Variants in SNTG1 observed in about 807,000 individuals in gnomAD.
The protein encoded by SNTG1 is gamma-1-syntrophin.
In SNTG1, 39 loss-of-function variants were observed where a neutral mutation model predicts 74.7. That is an observed-to-expected ratio of 0.52 (90% CI 0.40 to 0.68). The LOEUF (loss-of-function observed/expected upper bound fraction) is 0.68. Among genes scored for constraint, SNTG1 ranks in the 30% least tolerant of loss-of-function variants. The pLI is 0.00. For missense variants in SNTG1, 685 were observed against 609.5 expected (o/e 1.12, Z -1.30); for synonymous variants, 254 against 217.1 (o/e 1.17, Z -1.49).
chr8:50,397,186 A>G (rs952758845), intron 3 of SNTG1, among the ~76,000 whole-genome samples: 3 of 152,250 alleles, frequency 2.0e-5, no homozygotes, highest in Non-Finnish European at 2.9e-5. Context: ...TACAAAATAC[A>G]TTCATACAGT....
rs558894944 is a variant in SNTG1, at chr8:49,997,453, C to T, written c.-103+85222C>T. ...CTCTGCTCCCTTAACTCAGAGGAGTCATGTACTTCCTGTATCTAAATCCTT... is the reference window on the plus strand; with the variant it reads ...CTCTGCTCCCTTAACTCAGAGGAGTTATGTACTTCCTGTATCTAAATCCTT... On this transcript the variant is annotated intron_variant, in intron 1 of 18. Transcript: ENST00000642720. Among the ~76,000 whole-genome samples the T allele has an allele frequency of 1.6e-4, 25 of 152,210 alleles. No individual in the cohort carries two copies. In the East Asian group the frequency reaches 3.3e-3, roughly 20 times the overall value.
intron 1 of SNTG1, among the ~76,000 whole-genome samples, chr8:50,008,712 C>T (rs949948962): frequency 6.6e-6 from 1 of 152,140 alleles, no homozygotes; most frequent in Admixed American, 6.6e-5. Flanking sequence ...CTTCCTACAG[C>T]TTGTCTCAGT....
intron 13 of SNTG1, among the ~76,000 whole-genome samples, chr8:50,600,366 A>G (rs2094763632): frequency 6.6e-6 from 1 of 151,828 alleles, no homozygotes; most frequent in African/African-American, 2.4e-5. Context: ...TTTAAGTAGG[A>G]TTGGTATTAG....
chr8:49,981,426 G>T (rs750083998), intron 1 of SNTG1, among the ~76,000 whole-genome samples: 4 of 65,282 alleles, frequency 6.1e-5, no homozygotes, highest in Admixed American at 1.7e-4. Flanking sequence ...TTGGAGGCAG[G>T]CTAGACTGAA....
At chr8:50,783,291 C>A in intron 18 of SNTG1, among the ~76,000 whole-genome samples, 1 of 152,180 alleles carries the variant, frequency 6.6e-6, no homozygotes, top group Admixed American at 6.5e-5. Context: ...CTGTGCCCTG[C>A]CCCCAGAGGT....
chr8:50,438,519 ATTCT>A lies in SNTG1; in HGVS notation c.163-22_163-19del. 1 of 1,608,344 alleles carries A rather than the reference ATTCT, an allele frequency of 6.2e-7. No homozygotes were observed. Among genetic ancestry groups the A allele is most frequent in the South Asian group, 1.1e-5 (1 of 90,842 alleles). ...AGTATAGTATTAGGAAACACTAACC[ATTCT>A]TAAAAATCCTGTCTTTCAGGAAAGA... On this transcript the variant is annotated intron_variant, in intron 4 of 18. Transcript: ENST00000642720.
intron 2 of SNTG1, among the ~76,000 whole-genome samples, chr8:50,196,406 A>G (rs1563725780): frequency 6.6e-6 from 1 of 152,184 alleles, no homozygotes; most frequent in African/African-American, 2.4e-5. Context: ...ATTATTAAAG[A>G]TAAATTTAGA....
chr8:50,062,990 C>T (rs1217384563), intron 1 of SNTG1, among the ~76,000 whole-genome samples: 1 of 152,152 alleles, frequency 6.6e-6, no homozygotes, highest in African/African-American at 2.4e-5. Flanking sequence ...TAGATTTAAT[C>T]CTCCTATCAA....
At chr8:50,776,756 C>A (rs1461233877) in intron 18 of SNTG1, among the ~76,000 whole-genome samples, 1 of 151,752 alleles carries the variant, frequency 6.6e-6, no homozygotes, top group African/African-American at 2.4e-5. Context: ...TTAAGCCATG[C>A]TTTTAGGATA....
At chr8:50,207,431 T>C (rs2131882326) in intron 2 of SNTG1, among the ~76,000 whole-genome samples, 1 of 152,322 alleles carries the variant, frequency 6.6e-6, no homozygotes, top group South Asian at 2.1e-4. Context: ...TCATTTTTTA[T>C]TGTGTCTATT....
chr8:50,793,387 C>T lies in SNTG1; in HGVS notation c.*558C>T, dbSNP rs1364703529. 1 of 151,902 alleles carries T rather than the reference C, an allele frequency of 6.6e-6. No individual in the cohort carries two copies. Among genetic ancestry groups the T allele is most frequent in the African/African-American group, 2.4e-5 (1 of 41,408 alleles). The allele number at this position is 151,902 out of a possible 1,614,324, so 9.4% of individuals were successfully genotyped here. ...TGTGTTCTCATCCCATGATTTGACA[C>T]TGGCATTCCAATTGTTTTTATCTTA... On this transcript the variant is annotated 3_prime_UTR_variant, in exon 19 of 19. Transcript: ENST00000642720.
intron 12 of SNTG1, among the ~76,000 whole-genome samples, chr8:50,553,910 T>C (rs2130615769): frequency 6.6e-6 from 1 of 152,268 alleles, no homozygotes; most frequent in Admixed American, 6.5e-5. Flanking sequence ...TCATCATCCA[T>C]GCCTTTGTGT....
At chr8:50,321,351 C>T (rs1036041508) in intron 2 of SNTG1, among the ~76,000 whole-genome samples, 2 of 151,960 alleles carry the variant, frequency 1.3e-5, no homozygotes, top group African/African-American at 4.8e-5. Flanking sequence ...TGTAGCAACT[C>T]CTCCTCTTTT....
Position 50,509,493 on chromosome 8 carries a change from A to T in SNTG1, c.466+6613A>T, listed in dbSNP as rs181146258. 2.9e-3 allele frequency among the ~76,000 whole-genome samples: 448 copies of T among 152,276 alleles called. 4 individuals are homozygous for T. Among genetic ancestry groups the T allele is most frequent in the African/African-American group, 0.01 (435 of 41,546 alleles). ...TTGATGGGGATGGCATTGAATCTATAAATTACCTTGGGCAGTATGGCCATT... is the reference window on the plus strand; with the variant it reads ...TTGATGGGGATGGCATTGAATCTATTAATTACCTTGGGCAGTATGGCCATT... On this transcript the variant is annotated intron_variant, in intron 9 of 18. Transcript: ENST00000642720.
intron 9 of SNTG1, among the ~76,000 whole-genome samples, chr8:50,508,372 A>G (rs2094029419): frequency 6.6e-6 from 1 of 152,212 alleles, no homozygotes; most frequent in African/African-American, 2.4e-5. Flanking sequence ...ATAGTGCCAC[A>G]ATAAACATAC....
intron 9 of SNTG1, among the ~76,000 whole-genome samples, chr8:50,525,498 A>G (rs1225231992): frequency 3.9e-5 from 6 of 152,164 alleles, no homozygotes; most frequent in Non-Finnish European, 7.4e-5. Context: ...GGACTTCTAT[A>G]AAGTGTCTAT....
chr8:50,110,647 TC>T (rs2080547295), intron 1 of SNTG1, among the ~76,000 whole-genome samples: 1 of 152,176 alleles, frequency 6.6e-6, no homozygotes, highest in Non-Finnish European at 1.5e-5. Flanking sequence ...GTCCTTTAAA[TC>T]CAGGTAAACA....
intron 8 of SNTG1, among the ~76,000 whole-genome samples, chr8:50,467,203 C>T (rs2093615351): frequency 6.6e-6 from 1 of 151,854 alleles, no homozygotes; most frequent in African/African-American, 2.4e-5. Flanking sequence ...AAACTGTTGC[C>T]TCTCCTTCTG....
intron 2 of SNTG1, among the ~76,000 whole-genome samples, chr8:50,359,454 C>T (rs1342131652): frequency 1.3e-5 from 2 of 152,178 alleles, no homozygotes; most frequent in Non-Finnish European, 2.9e-5. Context: ...TGGCCTTGCA[C>T]TATAAAACAA....
Sources: allele counts gnomAD v4.1 joint callset (sites outside exome capture counted in the v4.1 genomes callset), GRCh38; gene constraint gnomAD v4.1.1; transcripts MANE v1.5; gene names NCBI Gene and HGNC (gene_info 2026-07-23, HGNC 2026-07-21).